Variants in LRRTM4 observed in about 807,000 individuals in gnomAD.
The protein encoded by LRRTM4 is leucine-rich repeat transmembrane neuronal protein 4.
Under a neutral mutation model 47.6 loss-of-function variants are expected in LRRTM4, and 25 were observed. That is an observed-to-expected ratio of 0.53 (90% CI 0.38 to 0.73). The LOEUF (loss-of-function observed/expected upper bound fraction) is 0.73. Among genes scored for constraint, LRRTM4 ranks in the 30% least tolerant of loss-of-function variants. The pLI is 0.00. For synonymous variants in LRRTM4, 311 were observed against 269.5 expected (o/e 1.15, Z -1.51); for missense variants, 638 against 713.4 (o/e 0.89, Z 1.20).
At chr2:77,224,363 A>T (rs1674739317) in intron 3 of LRRTM4, among the ~76,000 whole-genome samples, 1 of 152,222 alleles carries the variant, frequency 6.6e-6, no homozygotes, top group South Asian at 2.1e-4. Flanking sequence ...GACAAATGGG[A>T]TGTAATTAAA....
intron 3 of LRRTM4, among the ~76,000 whole-genome samples, chr2:77,100,861 T>G (rs1288947590): frequency 2.0e-5 from 3 of 150,688 alleles, no homozygotes; most frequent in Admixed American, 2.0e-4. Context: ...TTTTTTTTTT[T>G]TTTTGTGACA....
chr2:77,300,596 C>T (rs978394845), intron 3 of LRRTM4, among the ~76,000 whole-genome samples: 1 of 152,076 alleles, frequency 6.6e-6, no homozygotes, highest in African/African-American at 2.4e-5. Flanking sequence ...ACATAGGACA[C>T]CCTCAACAAA....
intron 3 of LRRTM4, among the ~76,000 whole-genome samples, chr2:77,219,478 A>G (rs778649119): frequency 2.7e-4 from 41 of 152,164 alleles, no homozygotes; most frequent in Non-Finnish European, 4.7e-4. Context: ...AAACAGAAAC[A>G]CGATTTAACA....
At chr2:77,161,529 A>C (rs749295986) in intron 3 of LRRTM4, among the ~76,000 whole-genome samples, 4 of 152,198 alleles carry the variant, frequency 2.6e-5, no homozygotes, top group Admixed American at 1.3e-4. Context: ...GGCAGCAGGC[A>C]AAAACCTGGT....
intron 3 of LRRTM4, among the ~76,000 whole-genome samples, chr2:76,940,217 T>C (rs1477841553): frequency 2.6e-5 from 4 of 152,076 alleles, no homozygotes; most frequent in Non-Finnish European, 5.9e-5. Flanking sequence ...CTAATTGTAA[T>C]AGCAAAGACA....
chr2:77,089,220 G>A lies in LRRTM4; in HGVS notation c.1552-340304C>T, dbSNP rs532248815. On this transcript the variant is annotated intron_variant, in intron 3 of 3. Transcript: ENST00000409884. ...CTCTGCTTTTCCAGGGACAGGGCAA[G>A]TAACCGAACCCCTTGTCTTCTTGTC... is the stretch of plus-strand genomic sequence containing the variant. 2.1e-5 allele frequency among the ~76,000 whole-genome samples: 3 copies of A among 143,368 alleles called. No homozygotes were observed. The South Asian group carries it at 6.7e-4, about 32-fold the overall frequency. 94.1% of individuals were successfully genotyped at this position (143,368 alleles called of 152,430 possible).
intron 3 of LRRTM4, among the ~76,000 whole-genome samples, chr2:77,469,728 C>G (rs1460699321): frequency 7.0e-4 from 2 of 2,842 alleles, no homozygotes; most frequent in African/African-American, 1.5e-3. Flanking sequence ...ATATGTATAG[C>G]ATATATATAT....
intron 3 of LRRTM4, chr2:77,517,381 T>G: frequency 1.0e-6 from 1 of 983,034 alleles, no homozygotes; most frequent in Non-Finnish European, 1.2e-6. Context: ...TATCACTTAT[T>G]TTTTAATAAG....
chr2:77,316,308 A>G (rs1443101502), intron 3 of LRRTM4, among the ~76,000 whole-genome samples: 3 of 152,206 alleles, frequency 2.0e-5, no homozygotes, highest in African/African-American at 4.8e-5. Context: ...CCTGAGAATT[A>G]AAAAGATAAT....
chr2:77,126,976 T>G (rs1423106316), intron 3 of LRRTM4, among the ~76,000 whole-genome samples: 1 of 152,212 alleles, frequency 6.6e-6, no homozygotes, highest in Non-Finnish European at 1.5e-5. Context: ...TATTTTTAAT[T>G]CTTCCTCTGG....
chr2:77,401,155 T>TC (rs1395829992), intron 3 of LRRTM4, among the ~76,000 whole-genome samples: 1 of 152,086 alleles, frequency 6.6e-6, no homozygotes, highest in East Asian at 1.9e-4. Context: ...GTTGCTGCCA[T>TC]CAGCATCACC....
chr2:77,077,208 A>G (rs1320723225), intron 3 of LRRTM4, among the ~76,000 whole-genome samples: 1 of 152,156 alleles, frequency 6.6e-6, no homozygotes. Flanking sequence ...CATGTAGCAA[A>G]TCATTTTATC....
intron 3 of LRRTM4, among the ~76,000 whole-genome samples, chr2:76,897,935 A>G (rs1026000447): frequency 2.0e-5 from 3 of 152,196 alleles, no homozygotes; most frequent in Non-Finnish European, 4.4e-5. Context: ...AAGGGAAGAC[A>G]ATCTAAATAG....
At chr2:77,223,747 G>A (rs1242083410) in intron 3 of LRRTM4, among the ~76,000 whole-genome samples, 1 of 152,096 alleles carries the variant, frequency 6.6e-6, no homozygotes, top group African/African-American at 2.4e-5. Context: ...ATGCTCATGG[G>A]TAGGAAGAAT....
At chr2:76,779,169 C>T (rs1674203210) in intron 3 of LRRTM4, among the ~76,000 whole-genome samples, 1 of 151,992 alleles carries the variant, frequency 6.6e-6, no homozygotes, top group African/African-American at 2.4e-5. Context: ...CTGAGGAGAG[C>T]TTTACTTCCA....
At position 77,207,384 on chromosome 2, in the gene LRRTM4, T is replaced by TA. The variant is rs1674164976; in HGVS notation, c.1551+310933dup. ...ATATATATATATATACACACACACA[T>TA]ATTTATATACACATATATATTTCTC... On this transcript the variant is annotated intron_variant, in intron 3 of 3. Coordinates refer to ENST00000409884, the MANE Select transcript of LRRTM4 (RefSeq NM_001134745.3). Among the ~76,000 whole-genome samples the TA allele has an allele frequency of 1.2e-4, 17 of 137,666 alleles. No homozygotes were observed. In the South Asian group the frequency reaches 3.0e-3, roughly 24 times the overall value. The allele number at this position is 137,666 out of a possible 152,430, so 90.3% of individuals were successfully genotyped here. A position where few individuals can be genotyped will look rare whatever the true frequency, so the allele number is the denominator to read the frequency against.
chr2:77,221,498 G>A (rs1332023162), intron 3 of LRRTM4, among the ~76,000 whole-genome samples: 2 of 152,136 alleles, frequency 1.3e-5, no homozygotes, highest in Admixed American at 6.6e-5. Context: ...TCAAAATAAA[G>A]GGGTGGAGGA....
At chr2:77,302,956 TG>T (rs1677170170) in intron 3 of LRRTM4, among the ~76,000 whole-genome samples, 1 of 152,096 alleles carries the variant, frequency 6.6e-6, no homozygotes, top group African/African-American at 2.4e-5. Flanking sequence ...GCAAAGTAGG[TG>T]GAAGCTCCTG....
At chr2:76,859,003 A>G (rs1030463205) in intron 3 of LRRTM4, among the ~76,000 whole-genome samples, 6 of 152,178 alleles carry the variant, frequency 3.9e-5, no homozygotes, top group African/African-American at 9.7e-5. Flanking sequence ...CTCAGGGGAA[A>G]GGCTACACTG....
Sources: gnomAD v4.1 joint callset for allele counts (sites outside exome capture counted in the v4.1 genomes callset) on GRCh38, gnomAD v4.1.1 for gene constraint, MANE v1.5 for transcripts, NCBI Gene and HGNC (gene_info 2026-07-23, HGNC 2026-07-21) for gene names.